LRRC8D: variants seen among roughly 807,000 people sequenced by gnomAD.
The protein encoded by LRRC8D is leucine rich repeat containing 8 VRAC subunit D.
A neutral mutation model predicts 55.8 loss-of-function variants in LRRC8D; 20 were observed. The ratio of observed to expected loss-of-function variants is 0.36; its 90% CI spans 0.25 to 0.52. The LOEUF (loss-of-function observed/expected upper bound fraction) is 0.52, where lower values mean the gene tolerates loss of function less well. Among genes scored for constraint, LRRC8D ranks in the 20% least tolerant of loss-of-function variants. The pLI, the probability that LRRC8D is intolerant of heterozygous loss-of-function variation, is 0.93. For synonymous variants in LRRC8D, 352 were observed against 377.0 expected (o/e 0.93, Z 0.77); for missense variants, 651 against 1,030.8 (o/e 0.63, Z 5.05).
intron 2 of LRRC8D, among the ~76,000 whole-genome samples, chr1:89,913,441 T>G (rs1487753806): frequency 6.6e-6 from 1 of 152,252 alleles, no homozygotes; most frequent in African/African-American, 2.4e-5. Flanking sequence ...GCTTCAGTAC[T>G]TGCCATATGT....
intron 2 of LRRC8D, among the ~76,000 whole-genome samples, chr1:89,931,674 G>A (rs1159947487): frequency 2.6e-5 from 4 of 152,116 alleles, no homozygotes; most frequent in African/African-American, 4.8e-5. Flanking sequence ...CAGGAGAATC[G>A]CTTGAACCAA....
At chr1:89,842,100 C>G (rs758116146) in intron 1 of LRRC8D, among the ~76,000 whole-genome samples, 1 of 151,422 alleles carries the variant, frequency 6.6e-6, no homozygotes, top group Non-Finnish European at 1.5e-5. Context: ...GTAGTTTAAG[C>G]TTCTCGGGAG....
chr1:89,859,789 ACG>A (rs528452667), intron 2 of LRRC8D, among the ~76,000 whole-genome samples: 1 of 152,356 alleles, frequency 6.6e-6, no homozygotes, highest in South Asian at 2.1e-4. Context: ...TCAGTCCTGC[ACG>A]GAAGCCAGTA....
chr1:89,879,156 CG>C (rs1370018150), intron 2 of LRRC8D, among the ~76,000 whole-genome samples: 2 of 152,086 alleles, frequency 1.3e-5, no homozygotes, highest in African/African-American at 4.8e-5. Context: ...TATCTACAGC[CG>C]TTGACACCCA....
chr1:89,836,395 T>C (rs940446872), intron 1 of LRRC8D, among the ~76,000 whole-genome samples: 1 of 152,254 alleles, frequency 6.6e-6, no homozygotes, highest in African/African-American at 2.4e-5. Flanking sequence ...TACTGTTCTT[T>C]GTCCTGCCAT....
rs747396825 is a variant in LRRC8D at position 89,843,589 on chromosome 1, C to G, written c.-147-49C>G. On this transcript the variant is annotated intron_variant, in intron 1 of 2. Coordinates refer to ENST00000337338, the MANE Select transcript of LRRC8D (RefSeq NM_001134479.2). Reference sequence around the variant, plus strand: ...CCCTGCACTCCTTCCTCCCCGCTGCCGACACTTGGATCTCTCTAGCTCTTT... The same window carrying G: ...CCCTGCACTCCTTCCTCCCCGCTGCGGACACTTGGATCTCTCTAGCTCTTT... 162 of 697,656 alleles carry G rather than the reference C, an allele frequency of 2.3e-4. No individual in the cohort carries two copies. In the African/African-American group the frequency reaches 2.3e-3, roughly 10 times the overall value. 43.2% of individuals were successfully genotyped at this position (697,656 alleles called of 1,614,324 possible).
At chr1:89,822,590 T>C (rs1401497114) in intron 1 of LRRC8D, among the ~76,000 whole-genome samples, 1 of 152,136 alleles carries the variant, frequency 6.6e-6, no homozygotes, top group Non-Finnish European at 1.5e-5. Flanking sequence ...TACCGGACTT[T>C]GGAAGAGTCT....
At chr1:89,833,715 A>C (rs1385991460) in intron 1 of LRRC8D, 1 of 152,202 alleles carries the variant, frequency 6.6e-6, no homozygotes, top group East Asian at 1.9e-4. Flanking sequence ...TGTGTCAGGC[A>C]GTGAGCTGAC....
intron 2 of LRRC8D, among the ~76,000 whole-genome samples, chr1:89,872,683 A>G (rs1662051205): frequency 6.6e-6 from 1 of 152,164 alleles, no homozygotes; most frequent in African/African-American, 2.4e-5. Flanking sequence ...TGCTTACTTA[A>G]TGTGACTGCA....
chr1:89,931,046 G>C (rs1470418954), intron 2 of LRRC8D, among the ~76,000 whole-genome samples: 1 of 138,986 alleles, frequency 7.2e-6, no homozygotes, highest in Middle Eastern at 3.5e-3. Flanking sequence ...TGGTTACCAG[G>C]CATTTCATAC....
chr1:89,896,564 G>C (rs545767395), intron 2 of LRRC8D, among the ~76,000 whole-genome samples: 3 of 152,254 alleles, frequency 2.0e-5, no homozygotes, highest in Admixed American at 2.0e-4. Context: ...TTCAGGCCGA[G>C]GGTAGGGCAA....
Position 89,936,041 on chromosome 1 carries a change from G to A in LRRC8D, c.*396G>A. 1 of 181,770 alleles carries A rather than the reference G, an allele frequency of 5.5e-6. No individual in the cohort carries two copies. The highest frequency in any genetic ancestry group is 1.6e-4 in the South Asian group (1 of 6,242). 11.3% of individuals were successfully genotyped at this position (181,770 alleles called of 1,614,324 possible). Reference sequence around the variant, plus strand: ...GGGTCTTAATTTACTTTGCTTAATTGGTGCAATATTGCTTTAACTCCGTTC... The same window carrying A: ...GGGTCTTAATTTACTTTGCTTAATTAGTGCAATATTGCTTTAACTCCGTTC... On this transcript the variant is annotated 3_prime_UTR_variant, in exon 3 of 3. Transcript: ENST00000337338.
intron 2 of LRRC8D, among the ~76,000 whole-genome samples, chr1:89,873,570 A>G (rs541759974): frequency 1.8e-4 from 28 of 152,356 alleles, no homozygotes; most frequent in African/African-American, 6.5e-4. Flanking sequence ...CAGATAAACA[A>G]TGGACACATT....
At chr1:89,908,435 C>T (rs1663050954) in intron 2 of LRRC8D, among the ~76,000 whole-genome samples, 1 of 152,120 alleles carries the variant, frequency 6.6e-6, no homozygotes, top group Admixed American at 6.5e-5. Flanking sequence ...TGCTTTCTTC[C>T]AGTACAGCCA....
chr1:89,872,570 C>T (rs17130908), intron 2 of LRRC8D, among the ~76,000 whole-genome samples: 26,414 of 152,190 alleles, frequency 0.17, 2,489 homozygotes, highest in East Asian at 0.33. Flanking sequence ...TCATTTCACA[C>T]GTCCAAGAGA....
intron 2 of LRRC8D, among the ~76,000 whole-genome samples, chr1:89,892,369 C>T (rs1662599387): frequency 6.6e-6 from 1 of 152,184 alleles, no homozygotes; most frequent in Admixed American, 6.5e-5. Context: ...TCCTTTTCAG[C>T]ATTGTGTGAT....
chr1:89,834,555 G>A (rs114812009), intron 1 of LRRC8D, among the ~76,000 whole-genome samples: 1,832 of 152,370 alleles, frequency 0.012, 9 homozygotes, highest in Non-Finnish European at 0.02. Flanking sequence ...CAATATGAAA[G>A]ATGAGTAAGA....
intron 2 of LRRC8D, among the ~76,000 whole-genome samples, chr1:89,888,958 A>C (rs994293232): frequency 4.6e-5 from 7 of 152,232 alleles, no homozygotes; most frequent in African/African-American, 1.4e-4. Flanking sequence ...TGATTTATGT[A>C]GGTATTCCAC....
intron 2 of LRRC8D, among the ~76,000 whole-genome samples, chr1:89,928,466 A>G (rs916622487): frequency 6.6e-6 from 1 of 152,194 alleles, no homozygotes; most frequent in Non-Finnish European, 1.5e-5. Context: ...ATAGAAAGAA[A>G]AAAGAAAAAT....
Sources: allele counts gnomAD v4.1 joint callset (sites outside exome capture counted in the v4.1 genomes callset), GRCh38; gene constraint gnomAD v4.1.1; transcripts MANE v1.5; gene names NCBI Gene and HGNC (gene_info 2026-07-23, HGNC 2026-07-21).